The following DOCK10 variants were observed in gnomAD, a reference collection of about 807,000 sequenced individuals.
DOCK10 encodes the protein dedicator of cytokinesis 10.
Under a neutral mutation model 280.1 loss-of-function variants are expected in DOCK10, and 145 were observed. That is an observed-to-expected ratio of 0.52 (90% confidence interval 0.45 to 0.59). The LOEUF (loss-of-function observed/expected upper bound fraction) is 0.59, where lower values mean the gene tolerates loss of function less well. Among genes scored for constraint, DOCK10 ranks in the 20% least tolerant of loss-of-function variants. The pLI is 0.00. For synonymous variants in DOCK10, 915 were observed against 942.2 expected (o/e 0.97, Z 0.53); for missense variants, 2,368 against 2,651.7 (o/e 0.89, Z 2.35).
intron 27 of DOCK10, among the ~76,000 whole-genome samples, chr2:224,827,486 C>T (rs1383317988): frequency 6.6e-6 from 1 of 152,034 alleles, no homozygotes; most frequent in African/African-American, 2.4e-5. Context: ...AGGCTGCTCA[C>T]AGGTGTGTTT....
intron 1 of DOCK10, among the ~76,000 whole-genome samples, chr2:225,023,892 T>C (rs1292903990): frequency 6.6e-6 from 1 of 152,176 alleles, no homozygotes; most frequent in Non-Finnish European, 1.5e-5. Context: ...CTCCCACAAG[T>C]TAATCACTAG....
chr2:224,887,259 G>C (rs2125767859), intron 4 of DOCK10, among the ~76,000 whole-genome samples: 1 of 152,174 alleles, frequency 6.6e-6, no homozygotes, highest in African/African-American at 2.4e-5. Flanking sequence ...GTAGTCACTG[G>C]AAGAGCCCCA....
chr2:224,903,564 T>C (rs1168387655), intron 3 of DOCK10, among the ~76,000 whole-genome samples: 1 of 152,210 alleles, frequency 6.6e-6, no homozygotes, highest in Admixed American at 6.5e-5. Flanking sequence ...ATTTCCCAGC[T>C]AGATCTCACA....
At chr2:225,039,667 A>G in intron 1 of DOCK10, among the ~76,000 whole-genome samples, 1 of 148,830 alleles carries the variant, frequency 6.7e-6, no homozygotes, top group East Asian at 2.0e-4. Flanking sequence ...ATTCAAACAC[A>G]TTTTGAAGGC....
chr2:224,951,433 G>A (rs981052250), intron 1 of DOCK10, among the ~76,000 whole-genome samples: 1 of 152,138 alleles, frequency 6.6e-6, no homozygotes, highest in African/African-American at 2.4e-5. Flanking sequence ...TTCAAAGTCT[G>A]GTCCCATGGT....
At chr2:224,834,289 A>C (rs1462231547) in intron 25 of DOCK10, 26 bp from the exon 26 acceptor site, 1 of 1,276,780 alleles carries the variant, frequency 7.8e-7, no homozygotes, top group South Asian at 1.2e-5. Context: ...AAAGTGAATA[A>C]AGTTAAATAC....
chr2:224,849,578 C>T lies in DOCK10; in HGVS notation c.2164G>A (p.Gly722Arg). The T allele has an allele frequency of 6.2e-7, 1 of 1,609,224 alleles. No homozygotes were observed. Among genetic ancestry groups the T allele is most frequent in the Non-Finnish European group, 8.5e-7 (1 of 1,177,768 alleles). Residue 722 changes from glycine to arginine, a missense_variant, in exon 19 of 56, where the codon GGG (glycine) becomes AGG (arginine). By Grantham distance (125) the Gly-to-Arg change is moderately radical (BLOSUM62 -2). Around this residue, in one of 2 missense-constraint regions of DOCK10, gnomAD observed 1,209 missense variants for 1,250.9 expected, o/e 0.97. Coordinates refer to ENST00000258390, the MANE Select transcript of DOCK10 (RefSeq NM_014689.3). Reference protein sequence around the residue: ...PLKCIYGKPGGPLFTSAAYTA... With the variant: ...PLKCIYGKPGRPLFTSAAYTA... ...TAGGCGGCTGAGGTGAAGAGGGGCCCTCCAGGTTTTCCATAAATACACTGT... is the reference window on the plus strand; with the variant it reads ...TAGGCGGCTGAGGTGAAGAGGGGCCTTCCAGGTTTTCCATAAATACACTGT...
At chr2:224,810,688 T>A (rs1440711882) in intron 31 of DOCK10, among the ~76,000 whole-genome samples, 1 of 134,348 alleles carries the variant, frequency 7.4e-6, no homozygotes, top group Non-Finnish European at 1.5e-5. Flanking sequence ...CCTGTGTCCA[T>A]GTGTTCTCAT....
intron 1 of DOCK10, among the ~76,000 whole-genome samples, chr2:224,957,570 G>A (rs543954080): frequency 6.6e-6 from 1 of 152,256 alleles, no homozygotes; most frequent in South Asian, 2.1e-4. Context: ...TTACAGGTGT[G>A]AGCCACCAAA....
At chr2:225,003,638 A>C (rs1706495650) in intron 1 of DOCK10, among the ~76,000 whole-genome samples, 1 of 152,226 alleles carries the variant, frequency 6.6e-6, no homozygotes, top group Non-Finnish European at 1.5e-5. Flanking sequence ...TCAAATTAAA[A>C]GTTTTATCTA....
chr2:225,016,654 TAC>T lies in DOCK10; in HGVS notation c.123+25596_123+25597del, dbSNP rs1559963164. On this transcript the variant is annotated intron_variant, in intron 1 of 55. Transcript: ENST00000258390. The stretch of plus-strand genomic sequence containing the variant: ...ATACATATATCTATGTGCACATAGA[TAC>T]ATAGATACATATATCTATGTGCACA... 4.9e-3 allele frequency among the ~76,000 whole-genome samples: 31 copies of T among 6,290 alleles called. 3 individuals are homozygous for T. The highest frequency in any genetic ancestry group is 0.021 in the African/African-American group (31 of 1,456). The allele number at this position is 6,290 out of a possible 152,430, so 4.1% of individuals were successfully genotyped here. A position where few individuals can be genotyped will look rare whatever the true frequency, so the allele number is the denominator to read the frequency against.
intron 26 of DOCK10, among the ~76,000 whole-genome samples, chr2:224,832,877 T>G (rs1309126615): frequency 6.6e-6 from 1 of 152,210 alleles, no homozygotes; most frequent in African/African-American, 2.4e-5. Context: ...TGATGACAGA[T>G]GAAGCCTCAA....
At chr2:225,003,851 TG>T (rs1706503379) in intron 1 of DOCK10, among the ~76,000 whole-genome samples, 1 of 152,184 alleles carries the variant, frequency 6.6e-6, no homozygotes. Flanking sequence ...CTGTGTGACT[TG>T]TTCAGTGGCA....
At chr2:224,857,045 G>T in intron 14 of DOCK10, 63 bp from the exon 15 acceptor site, 1 of 1,334,598 alleles carries the variant, frequency 7.5e-7, no homozygotes, top group Non-Finnish European at 1.0e-6. Context: ...TGTTTTTAAC[G>T]TGACTATATT....
intron 31 of DOCK10, among the ~76,000 whole-genome samples, chr2:224,811,730 T>C (rs1693791771): frequency 6.6e-6 from 1 of 152,130 alleles, no homozygotes; most frequent in African/African-American, 2.4e-5. Context: ...CAGCACCATT[T>C]ATTAAATAGG....
intron 47 of DOCK10, among the ~76,000 whole-genome samples, chr2:224,789,466 C>T (rs1396439576): frequency 3.9e-5 from 6 of 152,132 alleles, no homozygotes; most frequent in African/African-American, 7.2e-5. Flanking sequence ...GGTTTAATCT[C>T]GGAGACTGTG....
chr2:224,981,014 G>C (rs771047569), intron 1 of DOCK10, among the ~76,000 whole-genome samples: 32 of 151,824 alleles, frequency 2.1e-4, no homozygotes, highest in Admixed American at 4.6e-4. Context: ...AAGACTTACT[G>C]GTATAGCATG....
At chr2:224,814,530 C>CT (rs911662198) in intron 30 of DOCK10, among the ~76,000 whole-genome samples, 166 bp from the exon 31 acceptor site, 8 of 150,926 alleles carry the variant, frequency 5.3e-5, no homozygotes, top group South Asian at 4.2e-4. Flanking sequence ...TATTTGTTTC[C>CT]TTTTTTTTTG....
intron 4 of DOCK10, chr2:224,893,307 A>G (rs1398224647): frequency 6.1e-6 from 1 of 162,744 alleles, no homozygotes; most frequent in Admixed American, 6.5e-5. Flanking sequence ...GACACTCAAA[A>G]AAATGCTCTT....
Sources: allele counts gnomAD v4.1 joint callset (sites outside exome capture counted in the v4.1 genomes callset), GRCh38; gene constraint gnomAD v4.1.1; regional missense constraint gnomAD v4.1.1; transcripts MANE v1.5; gene names NCBI Gene and HGNC (gene_info 2026-07-23, HGNC 2026-07-21).